The following TCERG1L variants were observed in gnomAD, a reference collection of about 807,000 sequenced individuals.
The protein encoded by TCERG1L is transcription elongation regulator 1-like protein.
A neutral mutation model predicts 56.3 loss-of-function variants in TCERG1L; 37 were observed. That is an observed-to-expected ratio of 0.66 (90% CI 0.51 to 0.87). The LOEUF is 0.87. Ranked by LOEUF, TCERG1L falls within the 40% of genes least tolerant of loss-of-function variation. TCERG1L has a pLI of 0.00. For missense variants in TCERG1L, 799 were observed against 774.2 expected, an observed-to-expected ratio of 1.03 and a Z score of -0.38; for synonymous variants, 324 against 326.3, an observed-to-expected ratio of 0.99 and a Z score of 0.08.
rs962467127 is a variant in TCERG1L, at chr10:131,311,228, G to C, written c.342+66C>G. On this transcript the variant is annotated intron_variant, in intron 1 of 11. Transcript: ENST00000368642. This position sits in a 1 kb window ranked among gnomAD's most constrained non-coding sequence, Gnocchi z 4.0. ...GCGAGCCGGAGGCCAGAGCCGGGCC[G>C]GGCAGGGCGCGCCCAGGAGCAGGGG... 8.6e-7 allele frequency: 1 copy of C among 1,162,158 alleles called. No individual in the cohort carries two copies. The highest frequency in any genetic ancestry group is 1.6e-5 in the African/African-American group (1 of 62,128). 72.0% of individuals were successfully genotyped at this position (1,162,158 alleles called of 1,614,324 possible).
At chr10:131,183,250 T>C (rs1845200137) in intron 4 of TCERG1L, among the ~76,000 whole-genome samples, 1 of 152,194 alleles carries the variant, frequency 6.6e-6, no homozygotes, top group South Asian at 2.1e-4. Context: ...CTAAGGAACT[T>C]GCATTTTTAA....
intron 3 of TCERG1L, among the ~76,000 whole-genome samples, chr10:131,265,362 A>G (rs183777155): frequency 1.1e-4 from 16 of 152,368 alleles, no homozygotes; most frequent in Admixed American, 9.8e-4. Flanking sequence ...ACTCTGATTC[A>G]TTCACAAAGT....
intron 9 of TCERG1L, among the ~76,000 whole-genome samples, chr10:131,110,080 C>CT (rs1178212244): frequency 3.3e-5 from 5 of 152,186 alleles, no homozygotes; most frequent in Non-Finnish European, 7.3e-5. Context: ...CACCGGGAGT[C>CT]TGAGGTTCAG....
At chr10:131,123,671 C>T (rs1287589003) in intron 8 of TCERG1L, among the ~76,000 whole-genome samples, 1 of 152,174 alleles carries the variant, frequency 6.6e-6, no homozygotes, top group South Asian at 2.1e-4. Flanking sequence ...GCCCTGAGTC[C>T]TGACTTAGCG....
chr10:131,248,094 C>T (rs1846059739), intron 4 of TCERG1L, among the ~76,000 whole-genome samples: 1 of 151,892 alleles, frequency 6.6e-6, no homozygotes, highest in African/African-American at 2.4e-5. Flanking sequence ...CACACACACA[C>T]ATGCACACAC....
intron 3 of TCERG1L, among the ~76,000 whole-genome samples, chr10:131,276,993 T>C (rs2133558693): frequency 6.6e-6 from 1 of 152,346 alleles, no homozygotes; most frequent in South Asian, 2.1e-4. Flanking sequence ...ATGTAGCTGC[T>C]GTTGAGTTGT....
intron 3 of TCERG1L, among the ~76,000 whole-genome samples, chr10:131,264,411 G>A (rs1462258301): frequency 1.3e-5 from 2 of 152,230 alleles, no homozygotes; most frequent in African/African-American, 2.4e-5. Context: ...TGATACGGGT[G>A]CAAACAGATA....
chr10:131,197,638 C>A (rs1293351548), intron 4 of TCERG1L, among the ~76,000 whole-genome samples: 3 of 152,200 alleles, frequency 2.0e-5, no homozygotes, highest in Non-Finnish European at 2.9e-5. Flanking sequence ...CACCAACAAG[C>A]AGGTCTACCC....
chr10:131,170,708 G>C (rs543419402), intron 4 of TCERG1L, among the ~76,000 whole-genome samples: 1 of 152,158 alleles, frequency 6.6e-6, no homozygotes, highest in Non-Finnish European at 1.5e-5. Context: ...TGCTGGTGGG[G>C]AAGAAGTGAG....
chr10:131,123,003 C>A (rs567749699), intron 8 of TCERG1L, among the ~76,000 whole-genome samples: 10 of 152,326 alleles, frequency 6.6e-5, no homozygotes, highest in African/African-American at 2.4e-4. Context: ...CTGTGGCAAC[C>A]TGCCTCGTTT....
intron 6 of TCERG1L, among the ~76,000 whole-genome samples, chr10:131,148,363 T>G (rs368496793): frequency 2.2e-5 from 1 of 46,416 alleles, no homozygotes; most frequent in Non-Finnish European, 8.1e-5. Flanking sequence ...GAGACACACA[T>G]GCACACAGAC....
At chr10:131,255,957 G>A (rs1479390516) in intron 4 of TCERG1L, among the ~76,000 whole-genome samples, 1 of 152,146 alleles carries the variant, frequency 6.6e-6, no homozygotes, top group Non-Finnish European at 1.5e-5. Flanking sequence ...ATACAAAAGG[G>A]GTTTGTTGGT....
Position 131,155,553 on chromosome 10 carries a change from G to A in TCERG1L, c.1034+7569C>T, listed in dbSNP as rs76271785. The stretch of plus-strand genomic sequence containing the variant: ...GCCTGTCTTTATGGAGTTCAAACGG[G>A]ATGTCACCCTGCTCTTGCACCCAGC... On this transcript the variant is annotated intron_variant, in intron 6 of 11. Transcript: ENST00000368642. Among the ~76,000 whole-genome samples, 64 of 152,316 alleles carry A rather than the reference G, an allele frequency of 4.2e-4. 1 individual carries two copies. In the East Asian group the frequency reaches 0.01, roughly 24 times the overall value.
chr10:131,206,568 A>G (rs1845530050), intron 4 of TCERG1L, among the ~76,000 whole-genome samples: 1 of 152,246 alleles, frequency 6.6e-6, no homozygotes, highest in South Asian at 2.1e-4. Flanking sequence ...AAGTCCGTGC[A>G]ATCAAGGACC....
rs764469794 is a variant in TCERG1L, at chr10:131,309,181, C to G, written c.461G>C (p.Trp154Ser). 1.1e-5 allele frequency: 18 copies of G among 1,608,770 alleles called. No individual in the cohort carries two copies. In the Middle Eastern group the frequency reaches 5.0e-4, roughly 44 times the overall value. ...SALATPIGKSWIDKRIPNCKI... is the reference protein window; with the variant it reads ...SALATPIGKSSIDKRIPNCKI... ...ACAGTTAGGAATCCTTTTGTCTATC[C>G]AACTTTTCCCAATAGGGGTTGCAAG... Residue 154 changes from tryptophan (W) to serine (S), a missense_variant, in exon 2 of 12, where the codon TGG becomes TCG. Transcript: ENST00000368642.
At chr10:131,105,564 T>C (rs2133382652) in intron 9 of TCERG1L, among the ~76,000 whole-genome samples, 1 of 152,184 alleles carries the variant, frequency 6.6e-6, no homozygotes, top group African/African-American at 2.4e-5. Context: ...GACTGGGAAA[T>C]GTTCTGGAGG....
intron 4 of TCERG1L, among the ~76,000 whole-genome samples, chr10:131,229,070 G>C (rs1845823407): frequency 1.0e-5 from 1 of 98,556 alleles, no homozygotes; most frequent in Non-Finnish European, 2.1e-5. Flanking sequence ...CCTCCAGACA[G>C]GCATTTCCTC....
chr10:131,306,192 A>C (rs1485178344), intron 3 of TCERG1L, among the ~76,000 whole-genome samples: 1 of 152,164 alleles, frequency 6.6e-6, no homozygotes, highest in Admixed American at 6.5e-5. Context: ...AACCCCTTAG[A>C]TGCTTTCTTT....
chr10:131,154,293 T>A (rs1336802609), intron 6 of TCERG1L, among the ~76,000 whole-genome samples: 1 of 152,140 alleles, frequency 6.6e-6, no homozygotes, highest in Admixed American at 6.5e-5. Context: ...ATGAAAGGAC[T>A]CCCACACTCA....
Sources: allele counts gnomAD v4.1 joint callset (sites outside exome capture counted in the v4.1 genomes callset), GRCh38; gene constraint gnomAD v4.1.1; non-coding constraint Gnocchi (gnomAD v3.1); transcripts MANE v1.5; gene names NCBI Gene and HGNC (gene_info 2026-07-23, HGNC 2026-07-21).